Variants in CSMD1 observed in about 807,000 individuals in gnomAD.
CSMD1 encodes CUB and sushi domain-containing protein 1.
A neutral mutation model predicts 417.5 loss-of-function variants in CSMD1; 213 were observed. The ratio of observed to expected loss-of-function variants is 0.51; its 90% CI spans 0.46 to 0.57. CSMD1 has a LOEUF of 0.57. Ranked by LOEUF, CSMD1 falls within the 20% of genes least tolerant of loss-of-function variation. CSMD1 has a pLI of 0.00. For synonymous variants in CSMD1, 2,862 were observed against 1,736.8 expected (o/e 1.65, Z -16.11); for missense variants, 6,923 against 4,529.7 (o/e 1.53, Z -15.17).
chr8:4,740,029 G>A (rs1439592744), intron 1 of CSMD1, among the ~76,000 whole-genome samples: 3 of 152,004 alleles, frequency 2.0e-5, no homozygotes, highest in Non-Finnish European at 4.4e-5. Flanking sequence ...CAGCATCCTG[G>A]CAGAGGAATG....
chr8:3,542,364 T>C (rs1187884837), intron 10 of CSMD1, among the ~76,000 whole-genome samples: 1 of 152,202 alleles, frequency 6.6e-6, no homozygotes, highest in East Asian at 1.9e-4. Flanking sequence ...AGATAGGTAA[T>C]TAGTTATTTT....
At chr8:4,448,839 C>G (rs893487962) in intron 2 of CSMD1, among the ~76,000 whole-genome samples, 2 of 152,076 alleles carry the variant, frequency 1.3e-5, no homozygotes, top group African/African-American at 2.4e-5. Flanking sequence ...AAGGTAATTT[C>G]TCTATCTTCT....
intron 1 of CSMD1, among the ~76,000 whole-genome samples, chr8:4,749,491 AGTGATGACTTGTGGTTAGCACGT>A (rs1317991995): frequency 2.0e-5 from 3 of 152,224 alleles, no homozygotes; most frequent in Non-Finnish European, 4.4e-5. Flanking sequence ...AAGAACCATT[AGTGATGACTTGTGGTTAGCACGT>A]GTATTATTTT....
intron 21 of CSMD1, among the ~76,000 whole-genome samples, chr8:3,353,388 T>C (rs1243826391): frequency 6.6e-6 from 1 of 152,250 alleles, no homozygotes; most frequent in Admixed American, 6.5e-5. Flanking sequence ...CCTACCTTTC[T>C]GACCAAGATA....
rs140885080 is a variant in CSMD1 at position 3,848,780 on chromosome 8, T to C, written c.819-94738A>G. Reference sequence around the variant, plus strand: ...CTAATTATAATTGTCAAATATTTAGTACTGTAGAAAAAAATGATTAGCAGC... The same window carrying C: ...CTAATTATAATTGTCAAATATTTAGCACTGTAGAAAAAAATGATTAGCAGC... On this transcript the variant is annotated intron_variant, in intron 5 of 69. Coordinates refer to ENST00000635120, the MANE Select transcript of CSMD1 (RefSeq NM_033225.6). 2.5e-3 allele frequency among the ~76,000 whole-genome samples: 373 copies of C among 152,220 alleles called. 3 individuals carry two copies. Among genetic ancestry groups the C allele is most frequent in the Non-Finnish European group, 2.8e-3 (191 of 68,010 alleles).
chr8:4,597,905 G>A (rs1462988311), intron 2 of CSMD1, among the ~76,000 whole-genome samples: 1 of 152,046 alleles, frequency 6.6e-6, no homozygotes, highest in African/African-American at 2.4e-5. Context: ...GGAGAATATG[G>A]TGGGTACTAA....
At chr8:3,780,953 A>C (rs947741594) in intron 5 of CSMD1, among the ~76,000 whole-genome samples, 1 of 152,198 alleles carries the variant, frequency 6.6e-6, no homozygotes, top group Admixed American at 6.5e-5. Flanking sequence ...ATAAAGCTCT[A>C]AAGATATCTG....
chr8:4,055,459 TAATA>T (rs142563180), intron 3 of CSMD1, among the ~76,000 whole-genome samples: 2,468 of 152,076 alleles, frequency 0.016, 67 homozygotes, highest in African/African-American at 0.056. Flanking sequence ...GAGAAAAATT[TAATA>T]AATTATATGA....
At chr8:3,307,637 C>A in intron 25 of CSMD1, 58 bp downstream of exon 25, 1 of 1,548,470 alleles carries the variant, frequency 6.5e-7, no homozygotes, top group Non-Finnish European at 8.8e-7. Context: ...ATCTCTGCTA[C>A]AAGAATAGAA....
intron 2 of CSMD1, among the ~76,000 whole-genome samples, chr8:4,542,008 C>G (rs1395449948): frequency 6.6e-6 from 1 of 152,176 alleles, no homozygotes; most frequent in Non-Finnish European, 1.5e-5. Flanking sequence ...GAGCCACACT[C>G]TGTTGCCAAT....
intron 5 of CSMD1, among the ~76,000 whole-genome samples, chr8:3,929,890 G>A (rs1038665409): frequency 6.7e-6 from 1 of 150,110 alleles, no homozygotes; most frequent in East Asian, 2.0e-4. Context: ...TCCAACCCCT[G>A]ACCTCAGGTG....
intron 1 of CSMD1, among the ~76,000 whole-genome samples, chr8:4,911,195 T>A (rs1306932382): frequency 6.6e-6 from 1 of 152,224 alleles, no homozygotes; most frequent in African/African-American, 2.4e-5. Flanking sequence ...CCAATGCACA[T>A]TAAAGATTTT....
At chr8:3,830,313 G>C (rs1164171505) in intron 5 of CSMD1, among the ~76,000 whole-genome samples, 1 of 152,212 alleles carries the variant, frequency 6.6e-6, no homozygotes, top group African/African-American at 2.4e-5. Flanking sequence ...CTAAGCGTCA[G>C]CCTTCACTTG....
chr8:4,668,198 T>C (rs1345066873), intron 1 of CSMD1, among the ~76,000 whole-genome samples: 1 of 152,100 alleles, frequency 6.6e-6, no homozygotes, highest in Non-Finnish European at 1.5e-5. Flanking sequence ...ACTTCTGTTA[T>C]GGCTTCTGAT....
intron 3 of CSMD1, among the ~76,000 whole-genome samples, chr8:4,182,691 T>C (rs574357919): frequency 6.6e-6 from 1 of 152,292 alleles, no homozygotes; most frequent in South Asian, 2.1e-4. Context: ...GCCCGATTAA[T>C]TTGAAGCTTT....
chr8:4,762,063 T>C (rs1044668010), intron 1 of CSMD1, among the ~76,000 whole-genome samples: 1 of 152,042 alleles, frequency 6.6e-6, no homozygotes, highest in Admixed American at 6.6e-5. Flanking sequence ...CAAATAAGTC[T>C]CAAATGATGT....
In CSMD1 at chr8:4,527,024, T is replaced by C. The variant is rs140104256; in HGVS notation, c.303-106959A>G. Among the ~76,000 whole-genome samples the C allele has an allele frequency of 1.2e-4, 19 of 152,360 alleles. No homozygotes were observed. In the East Asian group the frequency reaches 3.5e-3, roughly 28 times the overall value. ...AAGTCTTTATAGAGCTATTGAGCTGTATAATATTTCATATTTTTCTTTCCC... is the reference window on the plus strand; with the variant it reads ...AAGTCTTTATAGAGCTATTGAGCTGCATAATATTTCATATTTTTCTTTCCC... On this transcript the variant is annotated intron_variant, in intron 2 of 69. Transcript: ENST00000635120.
intron 5 of CSMD1, among the ~76,000 whole-genome samples, chr8:3,780,167 C>G (rs1207659802): frequency 1.3e-5 from 2 of 152,146 alleles, no homozygotes; most frequent in African/African-American, 4.8e-5. Context: ...TGCACAAATC[C>G]AATATGACAG....
chr8:3,816,923 A>G (rs17067630), intron 5 of CSMD1, among the ~76,000 whole-genome samples: 8,207 of 152,186 alleles, frequency 0.054, 502 homozygotes, highest in African/African-American at 0.14. Context: ...GGTCCTCCCT[A>G]TTCTACTATT....
Sources: allele counts gnomAD v4.1 joint callset (sites outside exome capture counted in the v4.1 genomes callset), GRCh38; gene constraint gnomAD v4.1.1; transcripts MANE v1.5; gene names NCBI Gene and HGNC (gene_info 2026-07-23, HGNC 2026-07-21).